PLEKHA8: variants seen among roughly 807,000 people sequenced by gnomAD.
The protein encoded by PLEKHA8 is pleckstrin homology domain-containing family A member 8.
A neutral mutation model predicts 68.2 loss-of-function variants in PLEKHA8; 36 were observed. The observed-to-expected ratio is 0.53, with a 90% CI of 0.40 to 0.70. The LOEUF (loss-of-function observed/expected upper bound fraction) is 0.70, where lower values mean the gene tolerates loss of function less well. PLEKHA8 is among the 30% of genes least tolerant of loss of function. The pLI is 0.00. For synonymous variants in PLEKHA8, 211 were observed against 216.1 expected (o/e 0.98, Z 0.20); for missense variants, 505 against 615.4 (o/e 0.82, Z 1.90).
At chr7:30,107,793 G>C (rs117100726) in intron 13 of PLEKHA8, among the ~76,000 whole-genome samples, 1,983 of 152,124 alleles carry the variant, frequency 0.013, 23 homozygotes, top group Non-Finnish European at 0.021. Context: ...TTCTAACTGG[G>C]CATGGTGGCT....
At chr7:30,069,155 G>A (rs565461586) in intron 12 of PLEKHA8, among the ~76,000 whole-genome samples, 94 of 152,278 alleles carry the variant, frequency 6.2e-4, no homozygotes, top group African/African-American at 2.1e-3. Flanking sequence ...AGAACTCGTA[G>A]GATCTTAGGG....
Position 30,078,049 on chromosome 7 carries a change from C to T in PLEKHA8, c.1363-541C>T, listed in dbSNP as rs184990154. Among the ~76,000 whole-genome samples the T allele has an allele frequency of 3.5e-4, 54 of 152,238 alleles. 1 individual carries two copies. The highest frequency in any genetic ancestry group is 3.4e-3 in the Middle Eastern group (1 of 294). ...GCTAGAATAAACTATGTTAAAGCATCAGCGCACAAGCAAACAATAAATGTT... is the reference window on the plus strand; with the variant it reads ...GCTAGAATAAACTATGTTAAAGCATTAGCGCACAAGCAAACAATAAATGTT... On this transcript the variant is annotated intron_variant, in intron 13 of 13. Transcript: ENST00000449726.
At chr7:30,121,520 T>C (rs1343973722) in intron 13 of PLEKHA8, among the ~76,000 whole-genome samples, 1 of 152,042 alleles carries the variant, frequency 6.6e-6, no homozygotes, top group Non-Finnish European at 1.5e-5. Flanking sequence ...TCCCAGCTAC[T>C]TGGGGGGCTG....
intron 13 of PLEKHA8, among the ~76,000 whole-genome samples, chr7:30,127,405 A>G (rs1042443062): frequency 4.6e-5 from 7 of 152,330 alleles, no homozygotes; most frequent in Admixed American, 3.9e-4. Flanking sequence ...TTTTGGTAAG[A>G]GTTTCTAAAA....
intron 12 of PLEKHA8, chr7:30,072,087 T>G (rs1047776239): frequency 6.6e-6 from 1 of 152,236 alleles, no homozygotes; most frequent in Non-Finnish European, 1.5e-5. Flanking sequence ...TGAAGACATG[T>G]ATCTTTGATC....
intron 12 of PLEKHA8, chr7:30,072,089 T>A (rs1016569375): frequency 3.3e-5 from 5 of 152,226 alleles, no homozygotes; most frequent in Non-Finnish European, 7.3e-5. Context: ...AAGACATGTA[T>A]CTTTGATCAT....
chr7:30,041,419 A>ATT lies in PLEKHA8; in HGVS notation c.41-3647_41-3646dup, dbSNP rs59541222. Among the ~76,000 whole-genome samples the ATT allele has an allele frequency of 3.1e-3, 370 of 120,170 alleles. 5 individuals carry two copies. The highest frequency in any genetic ancestry group is 0.013 in the Middle Eastern group (3 of 238). The allele number at this position is 120,170 out of a possible 152,430, so 78.8% of individuals were successfully genotyped here. The stretch of plus-strand genomic sequence containing the variant: ...GTTGCTATTATAATTTACCAGCTAC[A>ATT]TTTTTTTTTTTTTTTTTTTTGAGAC... On this transcript the variant is annotated intron_variant, in intron 1 of 13. Coordinates refer to ENST00000449726, the MANE Select transcript of PLEKHA8 (RefSeq NM_001197026.2).
intron 13 of PLEKHA8, among the ~76,000 whole-genome samples, chr7:30,125,505 C>T (rs1428848630): frequency 6.6e-6 from 1 of 152,154 alleles, no homozygotes; most frequent in African/African-American, 2.4e-5. Context: ...TATTTTTACC[C>T]TCAAGGAAAA....
chr7:30,108,566 C>CA (rs1475699069), intron 13 of PLEKHA8, among the ~76,000 whole-genome samples: 15 of 151,828 alleles, frequency 9.9e-5, no homozygotes, highest in African/African-American at 2.7e-4. Context: ...AAATCTAACC[C>CA]AAAAAATGTA....
At chr7:30,105,117 C>A (rs1375726117) in intron 13 of PLEKHA8, among the ~76,000 whole-genome samples, 1 of 151,994 alleles carries the variant, frequency 6.6e-6, no homozygotes, top group African/African-American at 2.4e-5. Flanking sequence ...ACTCATCAGA[C>A]TGCCCACTTA....
In PLEKHA8 at chr7:30,079,394, G is replaced by C; in HGVS notation, c.*607G>C. ...CGTGGACAGGAGTCCCATCCTTGCT[G>C]ACAGGCATGAAACCGTTGCTCTGAG... On this transcript the variant is annotated 3_prime_UTR_variant, in exon 14 of 14. Coordinates refer to ENST00000449726, the MANE Select transcript of PLEKHA8 (RefSeq NM_001197026.2). 1 of 985,888 alleles carries C rather than the reference G, an allele frequency of 1.0e-6. No homozygotes were observed. The highest frequency in any genetic ancestry group is 1.2e-6 in the Non-Finnish European group (1 of 830,348). The allele number at this position is 985,888 out of a possible 1,614,324, so 61.1% of individuals were successfully genotyped here.
chr7:30,102,483 G>A (rs905049065), intron 13 of PLEKHA8, among the ~76,000 whole-genome samples: 5 of 152,200 alleles, frequency 3.3e-5, no homozygotes, highest in African/African-American at 1.2e-4. Flanking sequence ...AATATCCATT[G>A]CAGCATTATT....
At chr7:30,091,214 A>G (rs1194211813), downstream of PLEKHA8, among the ~76,000 whole-genome samples, 1 of 151,540 alleles carries the variant, frequency 6.6e-6, no homozygotes, top group Non-Finnish European at 1.5e-5. Context: ...ATTCACCTAA[A>G]GTGGATTACG....
In PLEKHA8 at chr7:30,050,410, T is replaced by C. The variant is rs149437614; in HGVS notation, c.598-24T>C. On this transcript the variant is annotated intron_variant, in intron 5 of 13. Coordinates refer to ENST00000449726, the MANE Select transcript of PLEKHA8 (RefSeq NM_001197026.2). ...CTGTTCAAAGTTTAACATGTGAACT[T>C]TCCTTTCTTTGCTTCTTTTAAAGAT... is the stretch of plus-strand genomic sequence containing the variant. 573 of 1,565,116 alleles carry C rather than the reference T, an allele frequency of 3.7e-4. 2 individuals are homozygous for C. In the African/African-American group the frequency reaches 6.4e-3, roughly 18 times the overall value.
intron 9 of PLEKHA8, among the ~76,000 whole-genome samples, chr7:30,056,312 C>CTCTCTCTCTCTCTCTATATATATA (rs796845171): frequency 1.1e-5 from 1 of 94,554 alleles, no homozygotes; most frequent in Non-Finnish European, 2.1e-5. Context: ...CTCTCTCTCT[C>CTCTCTCTCTCTCTCTATATATATA]TATATATATA....
chr7:30,108,078 A>C (rs1008884542), intron 13 of PLEKHA8, among the ~76,000 whole-genome samples: 2 of 151,062 alleles, frequency 1.3e-5, no homozygotes, highest in African/African-American at 4.9e-5. Context: ...AAAAAAAAAA[A>C]AAAAAAAAAA....
chr7:30,091,934 A>T (rs1488374517), downstream of PLEKHA8, among the ~76,000 whole-genome samples: 1 of 152,204 alleles, frequency 6.6e-6, no homozygotes. Context: ...GAGAGAATGG[A>T]GCAGTAAACT....
At position 30,060,900 on chromosome 7, in the gene PLEKHA8, A is replaced by C; in HGVS notation, c.1056A>C (p.Thr352=). ...VVPVLDKLGP[T]VFAPVKMDLV... is the part of the protein sequence containing the mutation. ...TTCTTCTAGACAAACTTGGCCCTAC[A>C]GTGTTTGCTCCTGTTAAGATGGATC... Residue 352 remains threonine (T), a synonymous_variant, in exon 10 of 14, where the codon ACA becomes ACC. Transcript: ENST00000449726. The C allele has an allele frequency of 3.7e-6, 6 of 1,613,352 alleles. No homozygotes were observed. The highest frequency in any genetic ancestry group is 5.1e-6 in the Non-Finnish European group (6 of 1,179,690).
intron 1 of PLEKHA8, among the ~76,000 whole-genome samples, chr7:30,044,163 C>T (rs905304696): frequency 1.3e-5 from 2 of 151,906 alleles, no homozygotes; most frequent in African/African-American, 2.4e-5. Context: ...CTTGCCGCCA[C>T]GCCCAGCTAA....
Sources: allele counts gnomAD v4.1 joint callset (sites outside exome capture counted in the v4.1 genomes callset), GRCh38; gene constraint gnomAD v4.1.1; transcripts MANE v1.5; gene names NCBI Gene and HGNC (gene_info 2026-07-23, HGNC 2026-07-21).